Variants in MSTO1 observed in about 807,000 individuals in gnomAD.
MSTO1 encodes protein misato homolog 1.
In MSTO1, 24 loss-of-function variants were observed where a neutral mutation model predicts 55.7. That is an observed-to-expected ratio of 0.43 (90% CI 0.31 to 0.61). The LOEUF is 0.61. Ranked by LOEUF, MSTO1 falls within the 20% of genes least tolerant of loss-of-function variation. The pLI, the probability that MSTO1 is intolerant of heterozygous loss-of-function variation, is 0.09. For synonymous variants in MSTO1, 162 were observed against 252.8 expected (o/e 0.64, Z 3.41); for missense variants, 363 against 625.7 (o/e 0.58, Z 4.48).
chr1:155,569,678 C>G, the MSTO1 span, among the ~76,000 whole-genome samples: 1 of 152,028 alleles, frequency 6.6e-6, no homozygotes, highest in Admixed American at 6.6e-5. Flanking sequence ...GCCTTGTGAT[C>G]TACCCTCCTC....
At chr1:155,563,251 A>T in the MSTO1 span, 1 of 456,642 alleles carries the variant, frequency 2.2e-6, no homozygotes, top group Non-Finnish European at 4.4e-6. Context: ...ACTTCGCAGT[A>T]GCAGGACCGC....
chr1:155,611,185 G>C (rs1355967024), intron 3 of MSTO1, 31 bp from the exon 4 acceptor site: 1 of 1,576,114 alleles, frequency 6.3e-7, no homozygotes, highest in South Asian at 1.1e-5. Flanking sequence ...TCAGAGTGCA[G>C]TTTCTTTGAT....
At chr1:155,593,694 T>C in the MSTO1 span, among the ~76,000 whole-genome samples, 1 of 152,126 alleles carries the variant, frequency 6.6e-6, no homozygotes, top group Admixed American at 6.6e-5. Flanking sequence ...TCGGGCCGGG[T>C]GCGGTGGCTC....
the MSTO1 span, chr1:155,591,215 C>T: frequency 6.2e-7 from 1 of 1,611,882 alleles, no homozygotes; most frequent in Non-Finnish European, 8.5e-7. Context: ...TCACCCAGCC[C>T]AGCAGTGTCA....
chr1:155,575,796 T>TTTTTTTTA, the MSTO1 span, among the ~76,000 whole-genome samples: 210 of 144,706 alleles, frequency 1.5e-3, 1 homozygote, highest in Middle Eastern at 7.1e-3. Flanking sequence ...CTTATTTTAT[T>TTTTTTTTA]TTTATTTATT....
upstream of MSTO1, among the ~76,000 whole-genome samples, chr1:155,607,467 C>T (rs1672954324): frequency 6.6e-6 from 1 of 152,212 alleles, no homozygotes. Flanking sequence ...AGCCACCGCG[C>T]CTAGCCGAGT....
the MSTO1 span, among the ~76,000 whole-genome samples, chr1:155,587,580 GA>G: frequency 1.4e-5 from 2 of 143,976 alleles, no homozygotes; most frequent in South Asian, 4.5e-4. Context: ...CGTCTCTACT[GA>G]AAATACAAAA....
chr1:155,604,034 C>G, the MSTO1 span, among the ~76,000 whole-genome samples: 1 of 151,992 alleles, frequency 6.6e-6, no homozygotes, highest in Non-Finnish European at 1.5e-5. Context: ...TTGGATATCA[C>G]CAAGCCTCTA....
At chr1:155,572,190 T>C in the MSTO1 span, among the ~76,000 whole-genome samples, 1 of 152,168 alleles carries the variant, frequency 6.6e-6, no homozygotes, top group Non-Finnish European at 1.5e-5. Flanking sequence ...TTGTAGACTT[T>C]AGCAACATAC....
Position 155,614,730 on chromosome 1 carries a change from C to T in MSTO1, c.*457C>T. On this transcript the variant is annotated 3_prime_UTR_variant, in exon 14 of 14. Transcript: ENST00000245564. ...GATGATTCCCAGAGTCTCATTCATC[C>T]AGCTCCTCTTCAGACAGAAGGTCCC... 1 of 1,575,042 alleles carries T rather than the reference C, an allele frequency of 6.3e-7. No homozygotes were observed. Among genetic ancestry groups the T allele is most frequent in the Non-Finnish European group, 8.7e-7 (1 of 1,146,116 alleles).
At chr1:155,605,884 A>T (rs1672926752), upstream of MSTO1, among the ~76,000 whole-genome samples, 1 of 152,238 alleles carries the variant, frequency 6.6e-6, no homozygotes, top group Non-Finnish European at 1.5e-5. Context: ...ATTCTTGTGG[A>T]AAATAGAAAA....
chr1:155,598,590 T>C, the MSTO1 span, among the ~76,000 whole-genome samples: 1 of 152,028 alleles, frequency 6.6e-6, no homozygotes, highest in East Asian at 1.9e-4. Context: ...GGCGTGGTGG[T>C]ACACACCTGT....
the MSTO1 span, among the ~76,000 whole-genome samples, chr1:155,577,367 C>T: frequency 1.3e-5 from 2 of 152,118 alleles, no homozygotes; most frequent in African/African-American, 4.8e-5. Context: ...GGATTACAGG[C>T]GTGAGCCACC....
At chr1:155,593,193 C>A in the MSTO1 span, among the ~76,000 whole-genome samples, 1 of 152,162 alleles carries the variant, frequency 6.6e-6, no homozygotes, top group Non-Finnish European at 1.5e-5. Flanking sequence ...GGATTACAGG[C>A]GTGAGCCACC....
At chr1:155,600,973 G>GC in the MSTO1 span, among the ~76,000 whole-genome samples, 1 of 145,218 alleles carries the variant, frequency 6.9e-6, no homozygotes, top group African/African-American at 2.5e-5. Flanking sequence ...ACTGTGCTAG[G>GC]CCTTTTTTTT....
At chr1:155,571,102 G>A in the MSTO1 span, among the ~76,000 whole-genome samples, 19 of 152,226 alleles carry the variant, frequency 1.2e-4, no homozygotes, top group South Asian at 1.0e-3. Context: ...CAAAGTGGGA[G>A]AATTGCTTCA....
the MSTO1 span, among the ~76,000 whole-genome samples, chr1:155,598,283 AT>A: frequency 6.6e-6 from 1 of 151,924 alleles, no homozygotes; most frequent in Non-Finnish European, 1.5e-5. Flanking sequence ...CGGCCAGCTA[AT>A]TTGTATTTTT....
At position 155,614,904 on chromosome 1, in the gene MSTO1, TTAG is replaced by T; in HGVS notation, c.*634_*636del. ...GGAGGAGGGCTGTATTCACTGATCCTTAGTAACATGTTAACATTTATGAAGCAC... is the reference window on the plus strand; with the variant it reads ...GGAGGAGGGCTGTATTCACTGATCCTTAACATGTTAACATTTATGAAGCAC... On this transcript the variant is annotated 3_prime_UTR_variant, in exon 14 of 14. Transcript: ENST00000245564. 5 of 1,411,054 alleles carry T rather than the reference TTAG, an allele frequency of 3.5e-6. No homozygotes were observed. The highest frequency in any genetic ancestry group is 4.9e-6 in the Non-Finnish European group (5 of 1,017,524). 87.4% of individuals were successfully genotyped at this position (1,411,054 alleles called of 1,614,324 possible). A position where few individuals can be genotyped will look rare whatever the true frequency, so the allele number is the denominator to read the frequency against.
upstream of MSTO1, chr1:155,610,066 G>T: frequency 3.1e-6 from 2 of 635,870 alleles, no homozygotes; most frequent in Non-Finnish European, 5.3e-6. Context: ...AGAGAAGCCG[G>T]ACTGGGCCAC....
Sources: allele counts gnomAD v4.1 joint callset (sites outside exome capture counted in the v4.1 genomes callset), GRCh38; gene constraint gnomAD v4.1.1; transcripts MANE v1.5; gene names NCBI Gene and HGNC (gene_info 2026-07-23, HGNC 2026-07-21).